PRKAG2: variants seen among roughly 807,000 people sequenced by gnomAD.
The protein encoded by PRKAG2 is 5'-AMP-activated protein kinase subunit gamma-2.
A neutral mutation model predicts 69.6 loss-of-function variants in PRKAG2; 26 were observed. The observed-to-expected ratio is 0.37, with a 90% CI of 0.27 to 0.52. PRKAG2 has a LOEUF of 0.52. PRKAG2 is among the 20% of genes least tolerant of loss of function. The pLI is 0.90. For synonymous variants in PRKAG2, 293 were observed against 285.0 expected, an observed-to-expected ratio of 1.03 and a Z score of -0.28; for missense variants, 557 against 740.0, an observed-to-expected ratio of 0.75 and a Z score of 2.87.
At chr7:151,579,081 T>C (rs56740444) in intron 6 of PRKAG2, among the ~76,000 whole-genome samples, 5,491 of 152,274 alleles carry the variant, frequency 0.036, 343 homozygotes, top group African/African-American at 0.12. Context: ...CCTTGGCTCA[T>C]TGTTTCCTCA....
At chr7:151,698,464 TG>T in intron 3 of PRKAG2, among the ~76,000 whole-genome samples, 1 of 152,154 alleles carries the variant, frequency 6.6e-6, no homozygotes, top group Admixed American at 6.5e-5. Context: ...GTCTGGGTCA[TG>T]GGGGCGAATG....
chr7:151,725,211 G>A (rs1055831673), intron 3 of PRKAG2, among the ~76,000 whole-genome samples: 4 of 152,118 alleles, frequency 2.6e-5, no homozygotes, highest in African/African-American at 9.7e-5. Flanking sequence ...TTAAAAAAGA[G>A]GGGGATCCTG....
intron 1 of PRKAG2, among the ~76,000 whole-genome samples, chr7:151,795,876 T>TATAC (rs2077496940): frequency 8.9e-6 from 1 of 112,840 alleles, no homozygotes; most frequent in African/African-American, 3.7e-5. Context: ...TATATATATA[T>TATAC]ATATATATAT....
At chr7:151,625,154 G>A (rs1822540117) in intron 5 of PRKAG2, among the ~76,000 whole-genome samples, 1 of 152,200 alleles carries the variant, frequency 6.6e-6, no homozygotes, top group Non-Finnish European at 1.5e-5. Context: ...TCAATTGTGA[G>A]GGATCATGAG....
rs180825899 is a variant in PRKAG2 at position 151,815,618 on chromosome 7, A to G, written c.115-29077T>C. Among the ~76,000 whole-genome samples the G allele has an allele frequency of 1.3e-3, 205 of 152,250 alleles. 1 individual carries two copies. Among genetic ancestry groups the G allele is most frequent in the African/African-American group, 4.6e-3 (193 of 41,554 alleles). On this transcript the variant is annotated intron_variant, in intron 1 of 15. Transcript: ENST00000287878. The stretch of plus-strand genomic sequence containing the variant: ...CCAACCCCGTGCTTCCCCACGTGGC[A>G]GTGGTGTGCCTAGCCTCCTGCTTCC...
Position 151,565,865 on chromosome 7 carries a change from A to G in PRKAG2, c.1254T>C (p.Pro418=), listed in dbSNP as rs753059650. The change falls in exon 12 of 16, where the codon CCT becomes CCC. Residue 418 remains proline (P), a synonymous_variant. Coordinates refer to ENST00000287878, the MANE Select transcript of PRKAG2 (RefSeq NM_016203.4). ...LQLFMSDMPK[P]AFMKQNLDEL... ...CATCCAGGTTCTGCTTCATGAAGGC[A>G]GGCTTTGGCATATCAGACATCTAAA... 4.3e-6 allele frequency: 7 copies of G among 1,613,790 alleles called. No homozygotes were observed. Among genetic ancestry groups the G allele is most frequent in the South Asian group, 3.3e-5 (3 of 91,080 alleles).
At chr7:151,824,887 C>G (rs1225086191) in intron 1 of PRKAG2, among the ~76,000 whole-genome samples, 1 of 152,174 alleles carries the variant, frequency 6.6e-6, no homozygotes, top group African/African-American at 2.4e-5. Flanking sequence ...TTCCCTAATC[C>G]TAAATAAACT....
intron 3 of PRKAG2, among the ~76,000 whole-genome samples, chr7:151,739,651 G>T (rs142800806): frequency 6.6e-6 from 1 of 151,800 alleles, no homozygotes; most frequent in Non-Finnish European, 1.5e-5. Context: ...TGTATTTTTC[G>T]TAGAGACGGG....
chr7:151,854,719 A>T (rs2079660786), intron 1 of PRKAG2, among the ~76,000 whole-genome samples: 1 of 152,170 alleles, frequency 6.6e-6, no homozygotes, highest in Admixed American at 6.5e-5. Context: ...GAGTACGGCC[A>T]CAGAATCAGG....
In PRKAG2 at chr7:151,601,685, C is replaced by T. The variant is rs139745948; in HGVS notation, c.755-6231G>A. ...ACATCACCCCCGTCATTTCTACCCA[C>T]AAGCCCAGTTGCCAAAGAATGTCCT... On this transcript the variant is annotated intron_variant, in intron 5 of 15. Transcript: ENST00000287878. 1.4e-3 allele frequency among the ~76,000 whole-genome samples: 206 copies of T among 152,326 alleles called. 1 individual carries two copies. Among genetic ancestry groups the T allele is most frequent in the African/African-American group, 4.7e-3 (195 of 41,574 alleles).
At chr7:151,865,925 CAGG>C (rs1222234791) in intron 1 of PRKAG2, among the ~76,000 whole-genome samples, 2 of 149,766 alleles carry the variant, frequency 1.3e-5, no homozygotes, top group East Asian at 3.9e-4. Context: ...GAGGCTGAGG[CAGG>C]AGAATGGTGT....
chr7:151,691,193 T>C (rs997236579), intron 3 of PRKAG2, among the ~76,000 whole-genome samples: 1 of 152,194 alleles, frequency 6.6e-6, no homozygotes, highest in Non-Finnish European at 1.5e-5. Context: ...CACCCTCCTG[T>C]ATACTTTAAA....
At chr7:151,827,744 G>GGAAAAAA (rs2078932406) in intron 1 of PRKAG2, among the ~76,000 whole-genome samples, 1 of 32,140 alleles carries the variant, frequency 3.1e-5, no homozygotes, top group Non-Finnish European at 7.2e-5. Context: ...GTGGCCTTAG[G>GGAAAAAA]TAAAAAAAAA....
chr7:151,761,462 C>G (rs1041775332), intron 3 of PRKAG2, among the ~76,000 whole-genome samples: 5 of 152,184 alleles, frequency 3.3e-5, no homozygotes, highest in Non-Finnish European at 1.5e-5. Flanking sequence ...TTGACCTCAC[C>G]TGGACTCCTG....
chr7:151,855,452 CATCCTCCACACACACCATG>C (rs2079734585), intron 1 of PRKAG2, among the ~76,000 whole-genome samples: 2 of 67,706 alleles, frequency 3.0e-5, no homozygotes, highest in Non-Finnish European at 3.0e-5. Context: ...CCACACACAC[CATCCTCCACACACACCATG>C]CTCCACACAC....
Position 151,632,210 on chromosome 7 carries a change from G to C in PRKAG2, c.685-72C>G. ...GTCCCCGGCCGGCGGGCTCGCGGCC[G>C]GCCGAGCGCTGGGGCCTGGCTCTGC... is the stretch of plus-strand genomic sequence containing the variant. On this transcript the variant is annotated intron_variant, in intron 4 of 15. Transcript: ENST00000287878. The surrounding 1 kb of genome is among the most constrained non-coding windows in gnomAD (Gnocchi z 4.2). 2 of 1,150,204 alleles carry C rather than the reference G, an allele frequency of 1.7e-6. No homozygotes were observed. Among genetic ancestry groups the C allele is most frequent in the Non-Finnish European group, 2.1e-6 (2 of 934,764 alleles). The allele number at this position is 1,150,204 out of a possible 1,614,324, so 71.2% of individuals were successfully genotyped here.
At position 151,848,980 on chromosome 7, in the gene PRKAG2, C is replaced by T. The variant is rs111563393; in HGVS notation, c.114+27527G>A. Among the ~76,000 whole-genome samples the T allele has an allele frequency of 3.6e-3, 545 of 152,352 alleles. 4 individuals carry two copies. Among genetic ancestry groups the T allele is most frequent in the African/African-American group, 0.013 (521 of 41,592 alleles). On this transcript the variant is annotated intron_variant, in intron 1 of 15. Coordinates refer to ENST00000287878, the MANE Select transcript of PRKAG2 (RefSeq NM_016203.4). Reference sequence around the variant, plus strand: ...GAGTTGGGGAGGCCAGCCACCGAGCCGTACGGGTTGGCTCAGGCAGGCCCA... The same window carrying T: ...GAGTTGGGGAGGCCAGCCACCGAGCTGTACGGGTTGGCTCAGGCAGGCCCA...
intron 1 of PRKAG2, among the ~76,000 whole-genome samples, chr7:151,875,922 G>A (rs1247205963): frequency 1.3e-5 from 2 of 152,208 alleles, no homozygotes; most frequent in Admixed American, 6.5e-5. Flanking sequence ...CACTCCCGGG[G>A]CGGGGGAAGG....
At chr7:151,795,104 A>AG (rs1228812948) in intron 1 of PRKAG2, among the ~76,000 whole-genome samples, 3 of 152,238 alleles carry the variant, frequency 2.0e-5, no homozygotes, top group African/African-American at 7.2e-5. Context: ...GGTTGAGTCC[A>AG]GCCTCTGCTC....
Sources: gnomAD v4.1 joint callset for allele counts (sites outside exome capture counted in the v4.1 genomes callset) on GRCh38, gnomAD v4.1.1 for gene constraint, Gnocchi (gnomAD v3.1) non-coding constraint, MANE v1.5 for transcripts, NCBI Gene and HGNC (gene_info 2026-07-23, HGNC 2026-07-21) for gene names.